Variants in ARMC2 observed in about 807,000 individuals in gnomAD.
ARMC2 encodes armadillo repeat containing 2.
ARMC2 carries 67 observed loss-of-function variants against 90.3 expected under a neutral mutation model. The ratio of observed to expected loss-of-function variants is 0.74; its 90% CI spans 0.61 to 0.91. The LOEUF (loss-of-function observed/expected upper bound fraction) is 0.91. Ranked by LOEUF, ARMC2 falls within the 40% of genes least tolerant of loss-of-function variation. The probability of loss-of-function intolerance (pLI) is 0.00; values close to 1 mark genes in which losing one functional copy is unlikely to be tolerated. For synonymous variants in ARMC2, 393 were observed against 393.0 expected, an observed-to-expected ratio of 1.00 and a Z score of 0.00; for missense variants, 920 against 1,030.9, an observed-to-expected ratio of 0.89 and a Z score of 1.47.
chr6:109,040,874 A>C, the ARMC2 span, among the ~76,000 whole-genome samples: 3 of 151,844 alleles, frequency 2.0e-5, no homozygotes, highest in Non-Finnish European at 4.4e-5. Context: ...GGATGGTCTC[A>C]ATCTCCTGAC....
intron 5 of ARMC2, among the ~76,000 whole-genome samples, chr6:108,879,518 C>T (rs1777297362): frequency 6.6e-6 from 1 of 151,692 alleles, no homozygotes; most frequent in East Asian, 1.9e-4. Context: ...ACCCACCCAT[C>T]TACCCATCTA....
At chr6:108,878,146 A>G (rs1777119894) in intron 5 of ARMC2, among the ~76,000 whole-genome samples, 1 of 152,242 alleles carries the variant, frequency 6.6e-6, no homozygotes, top group South Asian at 2.1e-4. Flanking sequence ...CAATTCTTTC[A>G]TTAATGATGT....
intron 3 of ARMC2, among the ~76,000 whole-genome samples, chr6:108,859,639 T>A (rs779148772): frequency 6.6e-6 from 1 of 152,198 alleles, no homozygotes; most frequent in African/African-American, 2.4e-5. Flanking sequence ...ATTAATTGAA[T>A]ATTTAATATC....
intron 3 of ARMC2, among the ~76,000 whole-genome samples, chr6:108,864,188 A>T (rs1775566454): frequency 6.6e-6 from 1 of 152,086 alleles, no homozygotes; most frequent in Admixed American, 6.5e-5. Context: ...ATCATAGTTA[A>T]TAGAAATGCA....
At chr6:109,044,598 G>A in the ARMC2 span, among the ~76,000 whole-genome samples, 13 of 151,960 alleles carry the variant, frequency 8.6e-5, no homozygotes, top group African/African-American at 2.7e-4. Flanking sequence ...ATGATCTCAC[G>A]CTTTCATCAC....
At chr6:108,994,484 CTCTCTT>C in the ARMC2 span, 1 of 1,612,498 alleles carries the variant, frequency 6.2e-7, no homozygotes, top group African/African-American at 1.3e-5. Context: ...CAAACATACT[CTCTCTT>C]TTTTCTATTT....
At chr6:108,928,370 T>C (rs2128486593) in intron 11 of ARMC2, 137 bp downstream of exon 11, 1 of 890,132 alleles carries the variant, frequency 1.1e-6, no homozygotes, top group Admixed American at 3.3e-5. Flanking sequence ...AGGGTAAATC[T>C]AGTGGCCCAA....
chr6:108,999,421 A>G, the ARMC2 span, among the ~76,000 whole-genome samples: 2 of 152,220 alleles, frequency 1.3e-5, no homozygotes. Flanking sequence ...TGAAATAGAT[A>G]AGACCAAAAG....
At chr6:108,990,802 C>T in the ARMC2 span, 1 of 1,613,972 alleles carries the variant, frequency 6.2e-7, no homozygotes, top group Non-Finnish European at 8.5e-7. Flanking sequence ...AGGCGATTTA[C>T]CAAAGAATAA....
At chr6:109,026,650 G>A in the ARMC2 span, among the ~76,000 whole-genome samples, 7 of 152,074 alleles carry the variant, frequency 4.6e-5, no homozygotes, top group South Asian at 2.1e-4. Context: ...GACTACAGGC[G>A]TGCGCCACCA....
intron 5 of ARMC2, among the ~76,000 whole-genome samples, chr6:108,879,112 T>TC (rs1777225726): frequency 1.3e-5 from 2 of 148,150 alleles, no homozygotes; most frequent in African/African-American, 5.0e-5. Flanking sequence ...ACCCATCCAT[T>TC]CATCCATCCA....
the ARMC2 span, among the ~76,000 whole-genome samples, chr6:109,010,471 A>C: frequency 6.6e-6 from 1 of 152,228 alleles, no homozygotes; most frequent in East Asian, 1.9e-4. Context: ...CATTCTGACA[A>C]GGAAACAAGT....
the ARMC2 span, chr6:108,992,666 C>T: frequency 2.9e-6 from 2 of 690,022 alleles, no homozygotes; most frequent in South Asian, 3.3e-5. Flanking sequence ...TATTCTGAAA[C>T]AAGACGAGAT....
At chr6:108,862,086 GT>G (rs1775302924) in intron 3 of ARMC2, among the ~76,000 whole-genome samples, 1 of 152,112 alleles carries the variant, frequency 6.6e-6, no homozygotes, top group Non-Finnish European at 1.5e-5. Flanking sequence ...GCTCATGCAT[GT>G]GATCCCAGCA....
At chr6:108,932,638 C>T (rs896487777) in intron 11 of ARMC2, among the ~76,000 whole-genome samples, 1 of 148,414 alleles carries the variant, frequency 6.7e-6, no homozygotes, top group East Asian at 2.1e-4. Context: ...ACACCATTCT[C>T]CTGCCTCAGC....
chr6:109,000,446 A>C, the ARMC2 span: 4 of 1,381,130 alleles, frequency 2.9e-6, no homozygotes, highest in African/African-American at 5.9e-5. Flanking sequence ...AACTGCTCTA[A>C]AAAAGTCTGA....
chr6:108,888,086 C>T (rs1218603448), intron 5 of ARMC2, among the ~76,000 whole-genome samples: 2 of 152,184 alleles, frequency 1.3e-5, no homozygotes, highest in Non-Finnish European at 2.9e-5. Context: ...GCCATACTAC[C>T]TTTGGCTGAG....
chr6:109,050,522 A>G, the ARMC2 span, among the ~76,000 whole-genome samples: 2 of 152,218 alleles, frequency 1.3e-5, no homozygotes, highest in South Asian at 4.1e-4. Flanking sequence ...AGGAGGAAAA[A>G]TTAGTTGGAC....
chr6:109,005,388 C>G, the ARMC2 span, among the ~76,000 whole-genome samples: 1 of 152,152 alleles, frequency 6.6e-6, no homozygotes, highest in Non-Finnish European at 1.5e-5. Flanking sequence ...GATTCAATTT[C>G]TAGGCCTTTA....
Sources: gnomAD v4.1 joint callset for allele counts (sites outside exome capture counted in the v4.1 genomes callset) on GRCh38, gnomAD v4.1.1 for gene constraint, MANE v1.5 for transcripts, NCBI Gene and HGNC (gene_info 2026-07-23, HGNC 2026-07-21) for gene names.